Variants in CHKA observed in about 807,000 individuals in gnomAD.
CHKA encodes the protein CHETK-alpha.
In CHKA, 34 loss-of-function variants were observed where a neutral mutation model predicts 60.1. The ratio of observed to expected loss-of-function variants is 0.57; its 90% CI spans 0.43 to 0.75. CHKA has a LOEUF of 0.75. Ranked by LOEUF, CHKA falls within the 30% of genes least tolerant of loss-of-function variation. The probability of loss-of-function intolerance (pLI) is 0.00; values close to 1 mark genes in which losing one functional copy is unlikely to be tolerated. For missense variants in CHKA, 563 were observed against 561.3 expected (o/e 1.00, Z -0.03); for synonymous variants, 217 against 223.1 (o/e 0.97, Z 0.24).
At chr11:68,103,850 T>C (rs1214179322) in intron 1 of CHKA, among the ~76,000 whole-genome samples, 1 of 150,782 alleles carries the variant, frequency 6.6e-6, no homozygotes, top group Non-Finnish European at 1.5e-5. Flanking sequence ...GGAGGCAGTG[T>C]TGCAGTGAGC....
At chr11:68,070,314 A>C (rs1167839477) in intron 5 of CHKA, 21 bp from the exon 6 acceptor site, 4 of 1,504,394 alleles carry the variant, frequency 2.7e-6, no homozygotes, top group Non-Finnish European at 9.2e-7. Context: ...ATTTTCAAAA[A>C]AGAACAGAAC....
intron 1 of CHKA, among the ~76,000 whole-genome samples, chr11:68,110,424 A>G (rs1486058049): frequency 6.6e-6 from 1 of 152,236 alleles, no homozygotes; most frequent in Non-Finnish European, 1.5e-5. Context: ...AGGTTAATAC[A>G]TAAAAGTCAA....
chr11:68,092,502 G>A (rs1037705827), intron 2 of CHKA, among the ~76,000 whole-genome samples: 3 of 152,062 alleles, frequency 2.0e-5, no homozygotes, highest in African/African-American at 7.2e-5. Flanking sequence ...TAAAATCCTC[G>A]GCACAGTGTG....
At chr11:68,107,438 T>C (rs1215336191) in intron 1 of CHKA, among the ~76,000 whole-genome samples, 2 of 152,102 alleles carry the variant, frequency 1.3e-5, no homozygotes, top group South Asian at 2.1e-4. Context: ...CTATTCAAAA[T>C]AATTTCTTCC....
intron 10 of CHKA, 144 bp from the exon 11 acceptor site, chr11:68,062,178 C>A (rs770973242): frequency 6.4e-6 from 4 of 627,740 alleles, no homozygotes; most frequent in South Asian, 3.8e-5. Flanking sequence ...CTATATTCCA[C>A]GGGACTAACT....
In CHKA at chr11:68,121,235, A is replaced by C. The variant is rs1238420851; in HGVS notation, c.-58T>G. 9.3e-7 allele frequency: 1 copy of C among 1,078,668 alleles called. No homozygotes were observed. The highest frequency in any genetic ancestry group is 1.7e-5 in the African/African-American group (1 of 58,578). 66.8% of individuals were successfully genotyped at this position (1,078,668 alleles called of 1,614,324 possible). Reference sequence around the variant, plus strand: ...CGCAGCGCGAGAGGACTAGGCTCAGAGTCCGGCCGGGCGCCCCCTCGCCGC... The same window carrying C: ...CGCAGCGCGAGAGGACTAGGCTCAGCGTCCGGCCGGGCGCCCCCTCGCCGC... On this transcript the variant is annotated 5_prime_UTR_variant, in exon 1 of 12. Transcript: ENST00000265689.
chr11:68,058,535 A>C (rs1444266690), intron 11 of CHKA, among the ~76,000 whole-genome samples: 2 of 152,332 alleles, frequency 1.3e-5, no homozygotes, highest in East Asian at 3.9e-4. Context: ...TACACTATTA[A>C]ACATTTTTCC....
chr11:68,055,390 C>A (rs944238785), intron 11 of CHKA, among the ~76,000 whole-genome samples: 6 of 152,182 alleles, frequency 3.9e-5, no homozygotes, highest in Admixed American at 1.3e-4. Context: ...GAGACTCTGT[C>A]TCAAAAACAG....
chr11:68,066,153 T>G (rs1482767842), intron 8 of CHKA, among the ~76,000 whole-genome samples: 1 of 152,164 alleles, frequency 6.6e-6, no homozygotes, highest in Non-Finnish European at 1.5e-5. Flanking sequence ...CCAGGATTTA[T>G]GAGAAGAAAA....
At chr11:68,108,766 G>A (rs1166799124) in intron 1 of CHKA, among the ~76,000 whole-genome samples, 1 of 152,078 alleles carries the variant, frequency 6.6e-6, no homozygotes, top group East Asian at 1.9e-4. Flanking sequence ...GAGGTTAAGG[G>A]GGAAACTGCT....
At chr11:68,118,008 G>A (rs1473801252) in intron 1 of CHKA, among the ~76,000 whole-genome samples, 3 of 152,172 alleles carry the variant, frequency 2.0e-5, no homozygotes, top group South Asian at 4.1e-4. Context: ...TGCTACAAAC[G>A]CAGAGCGAAA....
At chr11:68,110,816 T>C (rs1328738574) in intron 1 of CHKA, among the ~76,000 whole-genome samples, 5 of 151,540 alleles carry the variant, frequency 3.3e-5, no homozygotes, top group African/African-American at 9.7e-5. Flanking sequence ...CTGGCAAACA[T>C]GGTGAAACCC....
intron 1 of CHKA, among the ~76,000 whole-genome samples, chr11:68,107,595 T>C (rs1006873001): frequency 4.6e-5 from 7 of 152,104 alleles, no homozygotes; most frequent in African/African-American, 1.7e-4. Flanking sequence ...CCCAAATGTA[T>C]ATCCTCCCCC....
At chr11:68,061,402 G>A (rs1856242741) in intron 11 of CHKA, 1 of 207,694 alleles carries the variant, frequency 4.8e-6, no homozygotes, top group Non-Finnish European at 1.0e-5. Flanking sequence ...CACCGTACCC[G>A]GCTGACAATT....
chr11:68,114,661 C>T (rs1027908973), intron 1 of CHKA, among the ~76,000 whole-genome samples: 5 of 150,722 alleles, frequency 3.3e-5, no homozygotes, highest in African/African-American at 1.2e-4. Context: ...CGCACCATTG[C>T]ACTCCAGCCT....
chr11:68,056,025 G>A (rs376221225), intron 11 of CHKA, among the ~76,000 whole-genome samples: 27 of 152,270 alleles, frequency 1.8e-4, no homozygotes, highest in African/African-American at 5.5e-4. Context: ...TCCAGCCTGC[G>A]CAACAAGAGC....
At chr11:68,062,828 A>G (rs7123035) in intron 10 of CHKA, among the ~76,000 whole-genome samples, 147,090 of 152,230 alleles carry the variant, frequency 0.97, 71,267 homozygotes, top group South Asian at 1. Flanking sequence ...TGCTGCGGTG[A>G]AGCCCAGCAG....
intron 1 of CHKA, among the ~76,000 whole-genome samples, chr11:68,113,081 CAAAAAAAAAAAAAAA>C (rs71040587): frequency 1.2e-3 from 17 of 14,552 alleles, no homozygotes; most frequent in Non-Finnish European, 2.1e-3. Flanking sequence ...GACTCCGTCT[CAAAAAAAAAAAAAAA>C]AAAAAAAAAA....
intron 11 of CHKA, among the ~76,000 whole-genome samples, chr11:68,059,347 T>A (rs1402207672): frequency 6.6e-6 from 1 of 152,214 alleles, no homozygotes; most frequent in Admixed American, 6.5e-5. Flanking sequence ...CTTCATTCTG[T>A]TAATATGAAG....
Sources: allele counts gnomAD v4.1 joint callset (sites outside exome capture counted in the v4.1 genomes callset), GRCh38; gene constraint gnomAD v4.1.1; transcripts MANE v1.5; gene names NCBI Gene and HGNC (gene_info 2026-07-23, HGNC 2026-07-21).